Variants in GPR39 observed in about 807,000 individuals in gnomAD.
GPR39 encodes the protein G protein-coupled receptor 39.
A neutral mutation model predicts 18.4 loss-of-function variants in GPR39; 23 were observed. The observed-to-expected ratio is 1.25, with a 90% CI of 0.90 to 1.77. GPR39 has a LOEUF of 1.77. Among genes scored for constraint, GPR39 ranks in the 40% most tolerant of loss-of-function variants. The pLI is 0.00. For missense variants in GPR39, 647 were observed against 602.4 expected (o/e 1.07, Z -0.78); for synonymous variants, 280 against 257.9 (o/e 1.09, Z -0.82).
chr2:132,497,124 A>ATG (rs547478972), intron 1 of GPR39, among the ~76,000 whole-genome samples: 20 of 152,090 alleles, frequency 1.3e-4, no homozygotes, highest in Non-Finnish European at 2.9e-4. Flanking sequence ...GCACATCCTG[A>ATG]TGTGTGTGTG....
intron 1 of GPR39, among the ~76,000 whole-genome samples, chr2:132,487,776 A>G (rs1681371423): frequency 6.6e-6 from 1 of 152,210 alleles, no homozygotes; most frequent in Non-Finnish European, 1.5e-5. Context: ...ATGAGAGGAT[A>G]AGAGTCGTAG....
At chr2:132,466,528 T>C (rs4290711) in intron 1 of GPR39, among the ~76,000 whole-genome samples, 71,609 of 151,964 alleles carry the variant, frequency 0.47, 17,765 homozygotes, top group Non-Finnish European at 0.54. Flanking sequence ...GTGGTGTCTG[T>C]TGAGAAAATC....
At chr2:132,426,147 T>A (rs951399711) in intron 1 of GPR39, among the ~76,000 whole-genome samples, 1 of 152,200 alleles carries the variant, frequency 6.6e-6, no homozygotes, top group Admixed American at 6.5e-5. Flanking sequence ...CTTTGAAAAG[T>A]CTCACCTTCC....
At chr2:132,444,481 T>G (rs535745324) in intron 1 of GPR39, among the ~76,000 whole-genome samples, 1 of 152,282 alleles carries the variant, frequency 6.6e-6, no homozygotes, top group South Asian at 2.1e-4. Flanking sequence ...GAGATGGGGT[T>G]CTCACTATGT....
chr2:132,541,536 T>C (rs1049000265), intron 1 of GPR39, among the ~76,000 whole-genome samples: 19 of 152,226 alleles, frequency 1.2e-4, no homozygotes, highest in Admixed American at 4.6e-4. Flanking sequence ...TCCTTCCTCA[T>C]TGACAACTGA....
chr2:132,536,817 T>C (rs1042719958), intron 1 of GPR39, among the ~76,000 whole-genome samples: 1 of 152,252 alleles, frequency 6.6e-6, no homozygotes, highest in South Asian at 2.1e-4. Context: ...TTTACCGTTA[T>C]GTAATGCACT....
At chr2:132,601,680 G>T (rs1476250949) in intron 1 of GPR39, among the ~76,000 whole-genome samples, 1 of 152,036 alleles carries the variant, frequency 6.6e-6, no homozygotes, top group Non-Finnish European at 1.5e-5. Flanking sequence ...AAAGCCTAAA[G>T]ACTTCACCAA....
intron 1 of GPR39, among the ~76,000 whole-genome samples, chr2:132,556,409 A>G (rs1219807753): frequency 1.3e-5 from 2 of 152,136 alleles, no homozygotes; most frequent in Non-Finnish European, 2.9e-5. Flanking sequence ...AAAAATTCCT[A>G]TTTCACAGTT....
At chr2:132,527,354 G>A (rs1464468943) in intron 1 of GPR39, among the ~76,000 whole-genome samples, 2 of 152,218 alleles carry the variant, frequency 1.3e-5, no homozygotes, top group East Asian at 1.9e-4. Context: ...TGAGTATTTG[G>A]GTTGGTTCTT....
chr2:132,420,198 A>G (rs898754851), intron 1 of GPR39, among the ~76,000 whole-genome samples: 4 of 152,180 alleles, frequency 2.6e-5, no homozygotes, highest in African/African-American at 4.8e-5. Context: ...CAGGTGCTCA[A>G]TGTGCGATAA....
chr2:132,619,337 G>A (rs953837383), intron 1 of GPR39, among the ~76,000 whole-genome samples: 11 of 152,152 alleles, frequency 7.2e-5, no homozygotes, highest in Non-Finnish European at 1.5e-4. Context: ...AAGGGCCCTC[G>A]CAACAGGCTC....
At chr2:132,579,023 C>G (rs1008818841) in intron 1 of GPR39, among the ~76,000 whole-genome samples, 1 of 151,278 alleles carries the variant, frequency 6.6e-6, no homozygotes, top group African/African-American at 2.4e-5. Flanking sequence ...TTTCTCTCTT[C>G]TTTTTTAAGT....
chr2:132,578,013 G>C (rs1224814959), intron 1 of GPR39, among the ~76,000 whole-genome samples: 1 of 147,378 alleles, frequency 6.8e-6, no homozygotes, highest in African/African-American at 2.5e-5. Context: ...TAGGGTTTTT[G>C]TAGATTATCA....
intron 1 of GPR39, among the ~76,000 whole-genome samples, chr2:132,589,986 G>A (rs905005511): frequency 2.6e-5 from 4 of 152,174 alleles, no homozygotes; most frequent in Non-Finnish European, 5.9e-5. Flanking sequence ...TGCTAGTTCT[G>A]CTTAAAGTTC....
At chr2:132,420,693 A>G (rs183758702) in intron 1 of GPR39, among the ~76,000 whole-genome samples, 1 of 152,352 alleles carries the variant, frequency 6.6e-6, no homozygotes, top group East Asian at 1.9e-4. Context: ...CTCGTTGTTA[A>G]AAATGCTAAC....
intron 1 of GPR39, among the ~76,000 whole-genome samples, chr2:132,456,655 C>T (rs928181997): frequency 2.0e-5 from 3 of 152,172 alleles, no homozygotes; most frequent in African/African-American, 7.2e-5. Context: ...CCTTCAGGAG[C>T]TCTTGTAAGT....
chr2:132,525,836 C>A (rs545649648), intron 1 of GPR39, among the ~76,000 whole-genome samples: 2 of 152,242 alleles, frequency 1.3e-5, no homozygotes, highest in Admixed American at 1.3e-4. Context: ...GCCTGAGCAG[C>A]AGCTAGATGG....
chr2:132,449,498 C>T (rs1046940764), intron 1 of GPR39, among the ~76,000 whole-genome samples: 38 of 152,288 alleles, frequency 2.5e-4, no homozygotes, highest in African/African-American at 8.7e-4. Context: ...CCGCCTGCCT[C>T]AGCCTCCCAA....
chr2:132,447,489 G>A (rs1680557509), intron 1 of GPR39, among the ~76,000 whole-genome samples: 1 of 152,146 alleles, frequency 6.6e-6, no homozygotes, highest in African/African-American at 2.4e-5. Context: ...CTTGCTTAGA[G>A]ATATCTTCAG....
Sources: allele counts gnomAD v4.1 joint callset (sites outside exome capture counted in the v4.1 genomes callset), GRCh38; gene constraint gnomAD v4.1.1; transcripts MANE v1.5; gene names NCBI Gene and HGNC (gene_info 2026-07-23, HGNC 2026-07-21).